Variants in TLK1 observed in about 807,000 individuals in gnomAD.
TLK1 encodes tousled like kinase 1, also known as serine/threonine-protein kinase tousled-like 1.
A neutral mutation model predicts 105.3 loss-of-function variants in TLK1; 24 were observed. The ratio of observed to expected loss-of-function variants is 0.23; its 90% CI spans 0.17 to 0.32. The LOEUF (loss-of-function observed/expected upper bound fraction) is 0.32, where lower values mean the gene tolerates loss of function less well. Among genes scored for constraint, TLK1 ranks in the 10% least tolerant of loss-of-function variants. The pLI, the probability that TLK1 is intolerant of heterozygous loss-of-function variation, is 1.00. For synonymous variants in TLK1, 321 were observed against 310.4 expected, an observed-to-expected ratio of 1.03 and a Z score of -0.36; for missense variants, 558 against 910.5, an observed-to-expected ratio of 0.61 and a Z score of 4.98.
rs1692459537 is a variant in TLK1 at position 171,160,737 on chromosome 2, GGGTCGGAGCGC to G, written c.-320_-310del. 2.2e-6 allele frequency: 1 copy of G among 447,012 alleles called. No individual in the cohort carries two copies. The highest frequency in any genetic ancestry group is 3.8e-6 in the Non-Finnish European group (1 of 261,074). 27.7% of individuals were successfully genotyped at this position (447,012 alleles called of 1,614,324 possible). A position where few individuals can be genotyped will look rare whatever the true frequency, so the allele number is the denominator to read the frequency against. On this transcript the variant is annotated 5_prime_UTR_variant, in exon 1 of 21. Coordinates refer to ENST00000431350, the MANE Select transcript of TLK1 (RefSeq NM_012290.5). The surrounding 1 kb of genome is among the most constrained non-coding windows in gnomAD (Gnocchi z 4.4). ...CGTCGAGGGGGTGCCAGCCGGGCCGGGGTCGGAGCGCGGGCGGAGCGCGGGCTGCGCCGGCC... is the reference window on the plus strand; with the variant it reads ...CGTCGAGGGGGTGCCAGCCGGGCCGGGGGCGGAGCGCGGGCTGCGCCGGCC...
At chr2:171,147,373 C>A (rs1691832146) in intron 1 of TLK1, among the ~76,000 whole-genome samples, 1 of 152,150 alleles carries the variant, frequency 6.6e-6, no homozygotes, top group Non-Finnish European at 1.5e-5. Context: ...CATAAAAATA[C>A]TCGCCCCCTT....
intron 14 of TLK1, 37 bp from the exon 15 acceptor site, chr2:171,007,100 C>T (rs373326416): frequency 6.6e-7 from 1 of 1,521,754 alleles, no homozygotes; most frequent in African/African-American, 1.4e-5. Flanking sequence ...AGATGAAAGA[C>T]CAATTGAATA....
chr2:171,001,794 G>T (rs575475633), intron 18 of TLK1, among the ~76,000 whole-genome samples: 14 of 151,998 alleles, frequency 9.2e-5, no homozygotes, highest in South Asian at 4.2e-4. Flanking sequence ...ATTCATTCAT[G>T]AATGAATGAG....
chr2:171,212,900 T>TA (rs753780642), intron 1 of TLK1, among the ~76,000 whole-genome samples: 78 of 12,830 alleles, frequency 6.1e-3, no homozygotes, highest in Middle Eastern at 0.038. Context: ...TTGTTTTTTT[T>TA]TAAAAAAAAC....
At chr2:171,039,509 C>G (rs1401454379) in intron 11 of TLK1, among the ~76,000 whole-genome samples, 1 of 152,172 alleles carries the variant, frequency 6.6e-6, no homozygotes, top group Admixed American at 6.5e-5. Flanking sequence ...CCACCCACCT[C>G]GGCCTCCTAA....
At chr2:171,187,070 AAAAAAAAAAAAAAG>A (rs1274742802) in intron 1 of TLK1, among the ~76,000 whole-genome samples, 59 of 122,324 alleles carry the variant, frequency 4.8e-4, no homozygotes, top group East Asian at 3.0e-3. Context: ...AAAAAAAAAA[AAAAAAAAAAAAAAG>A]AAAAAGAAAA....
upstream of TLK1, among the ~76,000 whole-genome samples, chr2:171,163,681 T>C (rs1198524685): frequency 3.3e-5 from 5 of 152,120 alleles, no homozygotes; most frequent in Non-Finnish European, 7.4e-5. Context: ...TGGTAGGTTA[T>C]CTTTCTCCCA....
Position 171,053,823 on chromosome 2 carries a change from A to T in TLK1, c.670T>A (p.Leu224Ile). The change falls in exon 8 of 21, where the codon TTA (leucine) becomes ATA (isoleucine). Residue 224 changes from leucine (L) to isoleucine (I), a missense_variant. Coordinates refer to ENST00000431350, the MANE Select transcript of TLK1 (RefSeq NM_012290.5). Reference sequence around the variant, plus strand: ...AGGTCCTGGATTTTATTACTTTCTAATGCTGCTAATTTCAGCATTGTGAGA... The same window carrying T: ...AGGTCCTGGATTTTATTACTTTCTATTGCTGCTAATTTCAGCATTGTGAGA... ...TDLTMLKLAA[L>I]ESNKIQDLEK... 1.2e-6 allele frequency: 2 copies of T among 1,610,024 alleles called. No homozygotes were observed. Among genetic ancestry groups the T allele is most frequent in the Non-Finnish European group, 1.7e-6 (2 of 1,178,080 alleles).
At position 171,202,312 on chromosome 2, in the gene TLK1, C is replaced by T. The variant is rs530282409; in HGVS notation, c.-6+28833G>A. ...TATTAAAAATACAAAATTAGCCGGACGTGGTGGTGCATGCCTGTAATCCCA... is the reference window on the plus strand; with the variant it reads ...TATTAAAAATACAAAATTAGCCGGATGTGGTGGTGCATGCCTGTAATCCCA... On this transcript the variant is annotated intron_variant, in intron 1 of 20. Coordinates refer to the TLK1 transcript ENST00000521943. Among the ~76,000 whole-genome samples, 17 of 152,124 alleles carry T rather than the reference C, an allele frequency of 1.1e-4. No individual in the cohort carries two copies. The South Asian group carries it at 2.9e-3, about 26-fold the overall frequency.
chr2:171,193,699 C>CTTTTTTTTTTTTTTTTTTTTTTTTTTT lies in TLK1; in HGVS notation c.-6+37445_-6+37446insAAAAAAAAAAAAAAAAAAAAAAAAAAA, dbSNP rs1558986605. On this transcript the variant is annotated intron_variant, in intron 1 of 20. Transcript: ENST00000521943. The stretch of plus-strand genomic sequence containing the variant: ...TATAGGCGTGAGCCACAGCGCCTGG[C>CTTTTTTTTTTTTTTTTTTTTTTTTTTT]ATTTTTTTTTTTTTTTTTTTTTTTT... 1.9e-5 allele frequency among the ~76,000 whole-genome samples: 2 copies of CTTTTTTTTTTTTTTTTTTTTTTTTTTT among 103,226 alleles called. 1 individual carries two copies. The highest frequency in any genetic ancestry group is 8.0e-5 in the African/African-American group (2 of 25,098). The allele number at this position is 103,226 out of a possible 152,430, so 67.7% of individuals were successfully genotyped here. A position where few individuals can be genotyped will look rare whatever the true frequency, so the allele number is the denominator to read the frequency against.
intron 1 of TLK1, among the ~76,000 whole-genome samples, chr2:171,133,506 C>G (rs1055807611): frequency 1.4e-4 from 22 of 152,084 alleles, no homozygotes; most frequent in Admixed American, 7.9e-4. Context: ...GGCTGAGGCA[C>G]GAGAACCACC....
intron 2 of TLK1, among the ~76,000 whole-genome samples, chr2:171,107,116 G>A (rs1015888656): frequency 6.6e-6 from 1 of 152,170 alleles, no homozygotes; most frequent in Non-Finnish European, 1.5e-5. Context: ...GTCTAGCAGT[G>A]TCCCAGGAGT....
chr2:171,138,175 G>A (rs1364949318), intron 1 of TLK1, among the ~76,000 whole-genome samples: 1 of 152,132 alleles, frequency 6.6e-6, no homozygotes, highest in African/African-American at 2.4e-5. Context: ...TAACTAAAAT[G>A]TTTGCTTATA....
intron 2 of TLK1, among the ~76,000 whole-genome samples, chr2:171,091,286 C>CT (rs1485675431): frequency 1.3e-5 from 2 of 152,060 alleles, no homozygotes; most frequent in Non-Finnish European, 2.9e-5. Flanking sequence ...TTGAGAGGAG[C>CT]TATATGGGTT....
intron 1 of TLK1, among the ~76,000 whole-genome samples, chr2:171,145,591 A>C (rs1464654754): frequency 6.7e-6 from 1 of 150,058 alleles, no homozygotes; most frequent in Non-Finnish European, 1.5e-5. Flanking sequence ...CTCTGTCTCA[A>C]AAAAAAAAAA....
At chr2:171,213,141 CA>C (rs1693651310) in intron 1 of TLK1, among the ~76,000 whole-genome samples, 1 of 151,702 alleles carries the variant, frequency 6.6e-6, no homozygotes, top group South Asian at 2.1e-4. Context: ...GGGTGAATTC[CA>C]AGTCTGGCTC....
At chr2:171,081,313 C>T (rs559154774) in intron 3 of TLK1, among the ~76,000 whole-genome samples, 1 of 152,082 alleles carries the variant, frequency 6.6e-6, no homozygotes, top group Non-Finnish European at 1.5e-5. Flanking sequence ...CTAACTTTCA[C>T]CATGTTTTGC....
intron 2 of TLK1, among the ~76,000 whole-genome samples, chr2:171,107,892 T>TA (rs1374020681): frequency 3.3e-5 from 5 of 151,320 alleles, no homozygotes; most frequent in East Asian, 1.9e-4. Flanking sequence ...GACTCATCTC[T>TA]AAAAAAAATA....
chr2:171,062,065 T>C (rs1486337297), intron 3 of TLK1, among the ~76,000 whole-genome samples: 1 of 152,250 alleles, frequency 6.6e-6, no homozygotes, highest in Non-Finnish European at 1.5e-5. Flanking sequence ...TGTGTGTTCC[T>C]ATAACAGATA....
Sources: allele counts gnomAD v4.1 joint callset (sites outside exome capture counted in the v4.1 genomes callset), GRCh38; gene constraint gnomAD v4.1.1; non-coding constraint Gnocchi (gnomAD v3.1); transcripts MANE v1.5; gene names NCBI Gene and HGNC (gene_info 2026-07-23, HGNC 2026-07-21).